FLRT1: variants seen among roughly 807,000 people sequenced by gnomAD.
The protein encoded by FLRT1 is leucine-rich repeat transmembrane protein FLRT1.
A neutral mutation model predicts 30.9 loss-of-function variants in FLRT1; 14 were observed. That is an observed-to-expected ratio of 0.45 (90% CI 0.30 to 0.71). The LOEUF (loss-of-function observed/expected upper bound fraction) is 0.71. Ranked by LOEUF, FLRT1 falls within the 30% of genes least tolerant of loss-of-function variation. The probability of loss-of-function intolerance (pLI) is 0.08; values close to 1 mark genes in which losing one functional copy is unlikely to be tolerated. For missense variants in FLRT1, 737 were observed against 949.2 expected (o/e 0.78, Z 2.94); for synonymous variants, 368 against 430.4 (o/e 0.85, Z 1.80).
rs764622263 is a variant in FLRT1 at position 64,117,740 on chromosome 11, G to A, written c.1473G>A (p.Glu491=). The change falls in exon 3 of 3, where the codon GAG becomes GAA. Residue 491 remains glutamate (E), a synonymous_variant. Transcript: ENST00000682287. ...CCTTGGTGCAGGGGGACAAGACAGA[G>A]TACCTGCTGACAGCCCTGGAGCCCA... ...TETLVQGDKT[E]YLLTALEPKS... 22 of 1,613,968 alleles carry A rather than the reference G, an allele frequency of 1.4e-5. No individual in the cohort carries two copies. In the South Asian group the frequency reaches 2.4e-4, roughly 18 times the overall value.
chr11:64,108,143 G>A (rs1053026130), intron 2 of FLRT1, among the ~76,000 whole-genome samples: 29 of 151,962 alleles, frequency 1.9e-4, no homozygotes, highest in African/African-American at 6.5e-4. Flanking sequence ...GAGAAATCCC[G>A]TCTCTACTAA....
At chr11:64,110,543 A>G (rs1944843081) in intron 2 of FLRT1, among the ~76,000 whole-genome samples, 1 of 152,098 alleles carries the variant, frequency 6.6e-6, no homozygotes, top group Non-Finnish European at 1.5e-5. Context: ...GGCAGGGGAC[A>G]ACGACTGATA....
chr11:64,049,923 G>C lies in FLRT1; in HGVS notation c.-1038+13764G>C, dbSNP rs140844269. Among the ~76,000 whole-genome samples, 1,126 of 152,330 alleles carry C rather than the reference G, an allele frequency of 7.4e-3. 15 individuals are homozygous for C. Among genetic ancestry groups the C allele is most frequent in the Non-Finnish European group, 9.1e-3 (617 of 68,026 alleles). ...CCAGACCAAGACGCTGTGGCCCCGG[G>C]GGGGAGGCCAAACCTCTCTCAGAGC... On this transcript the variant is annotated intron_variant, in intron 1 of 2. Coordinates refer to ENST00000682287, the MANE Select transcript of FLRT1 (RefSeq NM_013280.5).
At chr11:64,072,503 T>C (rs997299649) in intron 1 of FLRT1, among the ~76,000 whole-genome samples, 2 of 152,122 alleles carry the variant, frequency 1.3e-5, no homozygotes, top group African/African-American at 4.8e-5. Context: ...ACGAGCATGA[T>C]GATAAACCAG....
chr11:64,077,572 T>C (rs1475470565), intron 1 of FLRT1, among the ~76,000 whole-genome samples: 1 of 152,106 alleles, frequency 6.6e-6, no homozygotes, highest in Non-Finnish European at 1.5e-5. Context: ...TCACTCCCAG[T>C]GCACATGTGC....
intron 1 of FLRT1, among the ~76,000 whole-genome samples, chr11:64,087,598 A>G (rs1944417157): frequency 6.6e-6 from 1 of 152,218 alleles, no homozygotes; most frequent in African/African-American, 2.4e-5. Flanking sequence ...CACTCGCTGC[A>G]GCCTGCAAGG....
intron 1 of FLRT1, among the ~76,000 whole-genome samples, chr11:64,049,446 G>A (rs980156370): frequency 3.3e-5 from 5 of 152,144 alleles, no homozygotes; most frequent in African/African-American, 7.2e-5. Context: ...AGCATTACCC[G>A]CATGACTCGC....
chr11:64,089,122 G>A (rs1467043558), intron 1 of FLRT1, among the ~76,000 whole-genome samples: 1 of 152,220 alleles, frequency 6.6e-6, no homozygotes, highest in Admixed American at 6.5e-5. Flanking sequence ...CGGAAGGCAG[G>A]AGCCCAGGAG....
chr11:64,115,155 TG>T (rs1219672279), intron 2 of FLRT1, among the ~76,000 whole-genome samples: 1 of 152,232 alleles, frequency 6.6e-6, no homozygotes, highest in Non-Finnish European at 1.5e-5. Context: ...AGCAGACTTT[TG>T]CTGGCTGCAT....
intron 2 of FLRT1, among the ~76,000 whole-genome samples, chr11:64,108,546 G>A (rs1473465619): frequency 6.6e-6 from 1 of 152,142 alleles, no homozygotes; most frequent in African/African-American, 2.4e-5. Flanking sequence ...AGGAAGGTGG[G>A]GTCTTTCATT....
At chr11:64,099,680 AG>A (rs1361058533) in intron 1 of FLRT1, among the ~76,000 whole-genome samples, 1 of 151,680 alleles carries the variant, frequency 6.6e-6, no homozygotes, top group Non-Finnish European at 1.5e-5. Context: ...AGATTGATGG[AG>A]GGATGGATGG....
Position 64,067,291 on chromosome 11 carries a change from G to C in FLRT1, c.-1038+31132G>C, listed in dbSNP as rs961825528. Among the ~76,000 whole-genome samples the C allele has an allele frequency of 3.3e-5, 5 of 152,120 alleles. No individual in the cohort carries two copies. Among genetic ancestry groups the C allele is most frequent in the Non-Finnish European group, 5.9e-5 (4 of 68,010 alleles). ...GGGAGGGAAGGAGCATCATTAACAC[G>C]ACATGGCCTCCTCCCCACTGCTCAG... On this transcript the variant is annotated intron_variant, in intron 1 of 2. Transcript: ENST00000682287. This position sits in a 1 kb window ranked among gnomAD's most constrained non-coding sequence, Gnocchi z 4.6.
Position 64,116,875 on chromosome 11 carries a change from T to G in FLRT1, c.608T>G (p.Leu203Arg). ...PSGLPHTLEE[L>R]RLDDNRISTI... ...GGGCTGCCGCACACGCTGGAGGAGC[T>G]GCGGCTGGATGACAACCGCATCTCC... The change falls in exon 3 of 3, where the codon CTG (leucine) becomes CGG (arginine). Residue 203 changes from leucine to arginine, a missense_variant. By Grantham distance (102) the Leu-to-Arg change is moderately radical. Coordinates refer to ENST00000682287, the MANE Select transcript of FLRT1 (RefSeq NM_013280.5). 6.2e-7 allele frequency: 1 copy of G among 1,611,808 alleles called. No homozygotes were observed. The highest frequency in any genetic ancestry group is 1.7e-5 in the Admixed American group (1 of 59,996).
intron 1 of FLRT1, among the ~76,000 whole-genome samples, chr11:64,048,608 G>A (rs915062179): frequency 1.3e-5 from 2 of 152,168 alleles, no homozygotes; most frequent in Non-Finnish European, 2.9e-5. Flanking sequence ...CAGCCCCAGC[G>A]GAATTCTTAC....
intron 1 of FLRT1, among the ~76,000 whole-genome samples, chr11:64,093,902 G>A (rs1270022644): frequency 6.6e-6 from 1 of 152,228 alleles, no homozygotes; most frequent in Non-Finnish European, 1.5e-5. Context: ...GGGGCAAGGT[G>A]TCCCTCTGTG....
intron 2 of FLRT1, among the ~76,000 whole-genome samples, chr11:64,110,860 G>A (rs111871678): frequency 1.3e-5 from 2 of 152,168 alleles, no homozygotes; most frequent in African/African-American, 2.4e-5. Flanking sequence ...CAGGCAATTA[G>A]AGATTCCTCT....
intron 1 of FLRT1, among the ~76,000 whole-genome samples, chr11:64,056,531 G>A (rs1009261504): frequency 6.6e-6 from 1 of 152,236 alleles, no homozygotes; most frequent in Non-Finnish European, 1.5e-5. Flanking sequence ...GTCTCCATCT[G>A]TAGGCAACAG....
chr11:64,050,894 C>G (rs574269028), intron 1 of FLRT1, among the ~76,000 whole-genome samples: 13 of 152,232 alleles, frequency 8.5e-5, no homozygotes, highest in Non-Finnish European at 1.2e-4. Context: ...GCTGGGATTA[C>G]AGGCCTGAGC....
chr11:64,062,562 G>A (rs1255965814), intron 1 of FLRT1, among the ~76,000 whole-genome samples: 1 of 152,214 alleles, frequency 6.6e-6, no homozygotes, highest in South Asian at 2.1e-4. Flanking sequence ...GTACAAGCTC[G>A]GTCTCTGTTT....
Sources: allele counts gnomAD v4.1 joint callset (sites outside exome capture counted in the v4.1 genomes callset), GRCh38; gene constraint gnomAD v4.1.1; non-coding constraint Gnocchi (gnomAD v3.1); transcripts MANE v1.5; gene names NCBI Gene and HGNC (gene_info 2026-07-23, HGNC 2026-07-21).